The following UGT2A1 variants were observed in gnomAD, a reference collection of about 807,000 sequenced individuals.
UGT2A1 encodes UDP glucuronosyltransferase family 2 member A1 complex locus.
A neutral mutation model predicts 45.4 loss-of-function variants in UGT2A1; 61 were observed. That is an observed-to-expected ratio of 1.34 (90% CI 1.09 to 1.66). The LOEUF (loss-of-function observed/expected upper bound fraction) is 1.66. Ranked by LOEUF, UGT2A1 falls within the 40% of genes most tolerant of loss-of-function variation. UGT2A1 has a pLI of 0.00. For missense variants in UGT2A1, 649 were observed against 574.3 expected (o/e 1.13, Z -1.33); for synonymous variants, 229 against 196.2 (o/e 1.17, Z -1.40).
intron 6 of UGT2A1, among the ~76,000 whole-genome samples, chr4:69,592,783 A>G (rs1474955654): frequency 6.6e-6 from 1 of 152,086 alleles, no homozygotes; most frequent in Non-Finnish European, 1.5e-5. Flanking sequence ...AAAAATGGAA[A>G]TAAAAGGCAT....
At chr4:69,590,707 C>T (rs1404917930) in intron 6 of UGT2A1, among the ~76,000 whole-genome samples, 1 of 151,842 alleles carries the variant, frequency 6.6e-6, no homozygotes, top group African/African-American at 2.4e-5. Flanking sequence ...TAAGTAATTT[C>T]ACATGGATCA....
At chr4:69,630,079 A>G (rs1003723605) in intron 3 of UGT2A1, among the ~76,000 whole-genome samples, 1 of 152,082 alleles carries the variant, frequency 6.6e-6, no homozygotes, top group African/African-American at 2.4e-5. Context: ...ACACCATTAT[A>G]GTGTAATTAA....
intron 2 of UGT2A1, among the ~76,000 whole-genome samples, chr4:69,645,481 T>C (rs1424567299): frequency 1.3e-5 from 2 of 151,758 alleles, no homozygotes; most frequent in Non-Finnish European, 1.5e-5. Flanking sequence ...GACTGCTATG[T>C]GGATGTTGCC....
Position 69,647,215 on chromosome 4 carries a change from A to C in UGT2A1, c.430T>G (p.Phe144Val). ...QLMAKLKKSK[F>V]EVLVSDPVFP... ...ACTGGATCAGACACCAGGACTTCAA[A>C]CTTGCTTTTCTTTAGCTTTGCCATC... The change falls in exon 2 of 7, where the codon TTT becomes GTT. Residue 144 changes from phenylalanine (F) to valine (V), a missense_variant. Phe to Val is a conservative substitution (Grantham distance 50, BLOSUM62 -1). Transcript: ENST00000286604. 1.2e-6 allele frequency: 2 copies of C among 1,613,332 alleles called. No homozygotes were observed. Among genetic ancestry groups the C allele is most frequent in the Non-Finnish European group, 8.5e-7 (1 of 1,179,474 alleles).
chr4:69,627,521 G>GAAGA (rs958467171), intron 3 of UGT2A1, among the ~76,000 whole-genome samples: 3 of 126,172 alleles, frequency 2.4e-5, no homozygotes, highest in Non-Finnish European at 3.4e-5. Flanking sequence ...AAGAAAGAAA[G>GAAGA]AAGAAAGAAA....
At chr4:69,631,283 A>G (rs1721369278) in intron 3 of UGT2A1, among the ~76,000 whole-genome samples, 1 of 150,098 alleles carries the variant, frequency 6.7e-6, no homozygotes, top group Non-Finnish European at 1.5e-5. Context: ...TTTTTTCAAA[A>G]TGATGTTTGT....
rs889029642 is a variant in UGT2A1 at position 69,588,673 on chromosome 4, A to T, written c.*699T>A. 2.0e-5 allele frequency: 3 copies of T among 152,058 alleles called. No individual in the cohort carries two copies. Among genetic ancestry groups the T allele is most frequent in the African/African-American group, 7.2e-5 (3 of 41,420 alleles). 9.4% of individuals were successfully genotyped at this position (152,058 alleles called of 1,614,324 possible). ...CTTTCTCCTTGAAATAAAAGAGTCG[A>T]TTGATTGATTTATTAAAGACAGTAC... On this transcript the variant is annotated 3_prime_UTR_variant, in exon 7 of 7. Coordinates refer to ENST00000286604, the MANE Select transcript of UGT2A1 (RefSeq NM_001252275.3).
At chr4:69,633,133 T>C (rs1721478449) in intron 3 of UGT2A1, among the ~76,000 whole-genome samples, 1 of 152,086 alleles carries the variant, frequency 6.6e-6, no homozygotes, top group South Asian at 2.1e-4. Flanking sequence ...AAGGTCTGGG[T>C]AGTGGCCTTG....
intron 6 of UGT2A1, 52 bp downstream of exon 6, chr4:69,594,425 T>C: frequency 6.3e-7 from 1 of 1,589,266 alleles, no homozygotes; most frequent in Non-Finnish European, 8.6e-7. Context: ...TTTCTGGTAT[T>C]ATGAATAATG....
intron 6 of UGT2A1, among the ~76,000 whole-genome samples, chr4:69,592,328 A>T (rs1426901552): frequency 6.6e-6 from 1 of 152,202 alleles, no homozygotes; most frequent in African/African-American, 2.4e-5. Context: ...ACACAAATTC[A>T]GAGCAAACAC....
chr4:69,588,439 T>G lies in UGT2A1; in HGVS notation c.*933A>C, dbSNP rs1437004353. On this transcript the variant is annotated 3_prime_UTR_variant, in exon 7 of 7. Transcript: ENST00000286604. The stretch of plus-strand genomic sequence containing the variant: ...ATATCAAATTCCAAGTAAGCATTTT[T>G]TATTTTTTGGCATAAAATTAAACTT... 1 of 152,144 alleles carries G rather than the reference T, an allele frequency of 6.6e-6. No individual in the cohort carries two copies. Among genetic ancestry groups the G allele is most frequent in the Non-Finnish European group, 1.5e-5 (1 of 67,996 alleles). The allele number at this position is 152,144 out of a possible 1,614,324, so 9.4% of individuals were successfully genotyped here.
At chr4:69,647,891 T>C in intron 1 of UGT2A1, 193 bp from the exon 2 acceptor site, 1 of 307,604 alleles carries the variant, frequency 3.3e-6, no homozygotes, top group Non-Finnish European at 5.9e-6. Context: ...TAGTTATGAT[T>C]CCTGCTGTCT....
chr4:69,629,170 A>G (rs1329177906), intron 3 of UGT2A1, among the ~76,000 whole-genome samples: 1 of 151,886 alleles, frequency 6.6e-6, no homozygotes, highest in Non-Finnish European at 1.5e-5. Context: ...TGCTACTCTG[A>G]GCTACTACAA....
intron 3 of UGT2A1, among the ~76,000 whole-genome samples, chr4:69,611,793 G>A (rs1157533496): frequency 6.6e-6 from 1 of 152,046 alleles, no homozygotes; most frequent in Non-Finnish European, 1.5e-5. Flanking sequence ...AAACTTGAAT[G>A]GTTCATTCTG....
rs1017556222 is a variant in UGT2A1, at chr4:69,605,901, T to C, written c.848-6507A>G. ...GACATTGAATCTCTGAATAGACCAATAACAGGCTCTGAAATTGAGGCAATA... is the reference window on the plus strand; with the variant it reads ...GACATTGAATCTCTGAATAGACCAACAACAGGCTCTGAAATTGAGGCAATA... On this transcript the variant is annotated intron_variant, in intron 3 of 6. Transcript: ENST00000286604. 2.2e-5 allele frequency among the ~76,000 whole-genome samples: 3 copies of C among 136,558 alleles called. 1 individual carries two copies. Among genetic ancestry groups the C allele is most frequent in the Admixed American group, 2.2e-4 (3 of 13,920 alleles). The allele number at this position is 136,558 out of a possible 152,430, so 89.6% of individuals were successfully genotyped here.
Position 69,607,309 on chromosome 4 carries a change from G to T in UGT2A1, c.848-7915C>A, listed in dbSNP as rs550505214. ...TCTTTGACAAACCTGACAAAAACAA[G>T]AAATGGGGAAATGATTCCCTATTTA... On this transcript the variant is annotated intron_variant, in intron 3 of 6. Coordinates refer to ENST00000286604, the MANE Select transcript of UGT2A1 (RefSeq NM_001252275.3). 4.6e-5 allele frequency among the ~76,000 whole-genome samples: 7 copies of T among 151,440 alleles called. No homozygotes were observed. The East Asian group carries it at 1.4e-3, about 29-fold the overall frequency.
chr4:69,622,068 T>C (rs551999147), intron 3 of UGT2A1, among the ~76,000 whole-genome samples: 1 of 151,934 alleles, frequency 6.6e-6, no homozygotes, highest in East Asian at 1.9e-4. Context: ...CTAGGCTTAA[T>C]ACCTGGGTCA....
chr4:69,627,548 A>G lies in UGT2A1; in HGVS notation c.847+8143T>C, dbSNP rs113572351. On this transcript the variant is annotated intron_variant, in intron 3 of 6. Transcript: ENST00000286604. ...AGAAAGAAAGAAAGAGAGAGAGAGA[A>G]AGAGAGAGAGAGAGAGAGAAAGAAA... is the stretch of plus-strand genomic sequence containing the variant. Among the ~76,000 whole-genome samples the G allele has an allele frequency of 2.8e-3, 175 of 62,556 alleles. 1 individual carries two copies. The East Asian group carries it at 0.029, about 10-fold the overall frequency. 41.0% of individuals were successfully genotyped at this position (62,556 alleles called of 152,430 possible).
At chr4:69,649,122 C>G (rs1484860360) in intron 1 of UGT2A1, among the ~76,000 whole-genome samples, 1 of 152,044 alleles carries the variant, frequency 6.6e-6, no homozygotes. Context: ...GTTAATAAAT[C>G]TTCTGAAATT....
Sources: gnomAD v4.1 joint callset for allele counts (sites outside exome capture counted in the v4.1 genomes callset) on GRCh38, gnomAD v4.1.1 for gene constraint, MANE v1.5 for transcripts, NCBI Gene and HGNC (gene_info 2026-07-23, HGNC 2026-07-21) for gene names.